RNF150: variants seen among roughly 807,000 people sequenced by gnomAD.
The protein encoded by RNF150 is ring finger protein 150.
In RNF150, 24 loss-of-function variants were observed where a neutral mutation model predicts 39.3. The observed-to-expected ratio is 0.61, with a 90% CI of 0.44 to 0.86. The LOEUF is 0.86. Ranked by LOEUF, RNF150 falls within the 40% of genes least tolerant of loss-of-function variation. The probability of loss-of-function intolerance (pLI) is 0.00; values close to 1 mark genes in which losing one functional copy is unlikely to be tolerated. For synonymous variants in RNF150, 255 were observed against 227.3 expected, an observed-to-expected ratio of 1.12 and a Z score of -1.10; for missense variants, 502 against 587.8, an observed-to-expected ratio of 0.85 and a Z score of 1.51.
At chr4:140,895,149 G>A (rs748301136) in intron 6 of RNF150, among the ~76,000 whole-genome samples, 34 of 152,178 alleles carry the variant, frequency 2.2e-4, no homozygotes, top group Admixed American at 1.4e-3. Context: ...TCCTGGAGAG[G>A]GTCAGGGGGC....
intron 4 of RNF150, among the ~76,000 whole-genome samples, chr4:140,945,613 C>CTACATATATACATATA (rs1469029804): frequency 6.0e-4 from 22 of 36,498 alleles, no homozygotes; most frequent in South Asian, 6.0e-3. Context: ...CATATATATA[C>CTACATATATACATATA]TACATATATA....
intron 1 of RNF150, among the ~76,000 whole-genome samples, chr4:141,156,579 C>A (rs1727404014): frequency 6.6e-6 from 1 of 151,940 alleles, no homozygotes; most frequent in South Asian, 2.1e-4. Flanking sequence ...CTGCTCCTGG[C>A]TGATATTATA....
chr4:141,011,516 T>C (rs1003360778), intron 1 of RNF150, among the ~76,000 whole-genome samples: 3 of 152,230 alleles, frequency 2.0e-5, no homozygotes, highest in African/African-American at 7.2e-5. Context: ...ATATAGCTCC[T>C]GTCCAGACAA....
At chr4:141,082,734 G>T (rs1379609747) in intron 1 of RNF150, among the ~76,000 whole-genome samples, 2 of 150,782 alleles carry the variant, frequency 1.3e-5, no homozygotes, top group African/African-American at 4.9e-5. Context: ...GACTACAGGC[G>T]CCCGCCACTA....
At chr4:140,903,891 G>A (rs534821053) in intron 6 of RNF150, among the ~76,000 whole-genome samples, 24 of 152,318 alleles carry the variant, frequency 1.6e-4, no homozygotes, top group African/African-American at 5.1e-4. Context: ...CTCACAGGCT[G>A]TTTGTGAATC....
At chr4:141,119,813 T>C (rs1726552026) in intron 1 of RNF150, among the ~76,000 whole-genome samples, 1 of 152,154 alleles carries the variant, frequency 6.6e-6, no homozygotes, top group Admixed American at 6.5e-5. Context: ...AGGTACCTTA[T>C]AAGGGGTTAA....
Position 140,947,707 on chromosome 4 carries a change from T to C in RNF150, c.837A>G (p.Ala279=). The C allele has an allele frequency of 6.2e-7, 1 of 1,600,666 alleles. No homozygotes were observed. Among genetic ancestry groups the C allele is most frequent in the Non-Finnish European group, 8.5e-7 (1 of 1,175,110 alleles). The stretch of plus-strand genomic sequence containing the variant: ...TGGGCTTGTACCCTTCAATACAAAC[T>C]GCACAGTTGTCAAAATCAGACTCTG... ...KETESDFDNC[A]VCIEGYKPND... The change falls in exon 4 of 7, where the codon GCA becomes GCG. Residue 279 remains alanine, a synonymous_variant. Coordinates refer to ENST00000515673, the MANE Select transcript of RNF150 (RefSeq NM_020724.2).
intron 1 of RNF150, among the ~76,000 whole-genome samples, chr4:141,148,717 A>G (rs1242623120): frequency 1.3e-5 from 2 of 152,250 alleles, no homozygotes; most frequent in Non-Finnish European, 2.9e-5. Flanking sequence ...CTAGGATTAC[A>G]GGCGTGCACC....
At chr4:141,203,446 G>A (rs1028351366) in intron 1 of RNF150, among the ~76,000 whole-genome samples, 1 of 150,822 alleles carries the variant, frequency 6.6e-6, no homozygotes, top group African/African-American at 2.4e-5. Context: ...AAAAATACTC[G>A]ATTATAACAA....
intron 1 of RNF150, among the ~76,000 whole-genome samples, chr4:141,044,467 T>C (rs1302727710): frequency 6.6e-6 from 1 of 152,130 alleles, no homozygotes; most frequent in Admixed American, 6.6e-5. Context: ...AATGCAAACA[T>C]TAATATACAA....
intron 6 of RNF150, among the ~76,000 whole-genome samples, chr4:140,875,166 T>G (rs1169272598): frequency 8.8e-5 from 13 of 147,200 alleles, no homozygotes; most frequent in Non-Finnish European, 4.5e-5. Flanking sequence ...TCATTACGTT[T>G]TTTTTTTTTT....
At chr4:140,947,529 A>G in intron 4 of RNF150, 125 bp downstream of exon 4, 1 of 712,652 alleles carries the variant, frequency 1.4e-6, no homozygotes, top group Non-Finnish European at 2.5e-6. Flanking sequence ...TCTGCAATAG[A>G]AACATGGAAA....
At chr4:141,038,527 C>T (rs1736233577) in intron 1 of RNF150, among the ~76,000 whole-genome samples, 1 of 151,814 alleles carries the variant, frequency 6.6e-6, no homozygotes, top group Admixed American at 6.6e-5. Flanking sequence ...TCCATCTCTA[C>T]AAAATTTTAA....
intron 1 of RNF150, among the ~76,000 whole-genome samples, chr4:141,106,334 C>G (rs942446050): frequency 3.9e-5 from 6 of 152,164 alleles, no homozygotes; most frequent in Non-Finnish European, 7.4e-5. Context: ...ACACCTGGTA[C>G]ATAGTAGGTG....
At chr4:141,175,327 C>T (rs77607607) in intron 1 of RNF150, among the ~76,000 whole-genome samples, 1,721 of 152,072 alleles carry the variant, frequency 0.011, 37 homozygotes, top group African/African-American at 0.038. Flanking sequence ...ATAACAAAAC[C>T]GAAAAATAAA....
intron 1 of RNF150, among the ~76,000 whole-genome samples, chr4:141,055,916 C>T (rs918171821): frequency 5.9e-5 from 9 of 152,178 alleles, no homozygotes; most frequent in Non-Finnish European, 1.3e-4. Context: ...CACAGGTGTG[C>T]ACTTTGAAAA....
chr4:140,907,375 C>G (rs2303415), intron 6 of RNF150, among the ~76,000 whole-genome samples: 5,782 of 152,242 alleles, frequency 0.038, 171 homozygotes, highest in Admixed American at 0.075. Context: ...AGACTTGCAA[C>G]AAGTTTGAAT....
chr4:141,051,973 G>A lies in RNF150; in HGVS notation c.484+80352C>T, dbSNP rs576826616. ...ACTTATAGTTCCATGTGGCTGGGGAGTCCTCACAATCATGGCGGAAGGCAA... is the reference window on the plus strand; with the variant it reads ...ACTTATAGTTCCATGTGGCTGGGGAATCCTCACAATCATGGCGGAAGGCAA... On this transcript the variant is annotated intron_variant, in intron 1 of 6. Coordinates refer to ENST00000515673, the MANE Select transcript of RNF150 (RefSeq NM_020724.2). 4.6e-5 allele frequency among the ~76,000 whole-genome samples: 7 copies of A among 152,338 alleles called. No individual in the cohort carries two copies. The South Asian group carries it at 1.4e-3, about 32-fold the overall frequency.
chr4:141,103,589 A>T (rs940492988), intron 1 of RNF150, among the ~76,000 whole-genome samples: 4 of 152,110 alleles, frequency 2.6e-5, no homozygotes, highest in South Asian at 4.1e-4. Context: ...ATCCATCATG[A>T]CCTCGCACAC....
Sources: allele counts gnomAD v4.1 joint callset (sites outside exome capture counted in the v4.1 genomes callset), GRCh38; gene constraint gnomAD v4.1.1; transcripts MANE v1.5; gene names NCBI Gene and HGNC (gene_info 2026-07-23, HGNC 2026-07-21).